AP2B1: variants seen among roughly 807,000 people sequenced by gnomAD.
AP2B1 encodes the protein adaptor related protein complex 2 subunit beta 1.
AP2B1 carries 23 observed loss-of-function variants against 102.0 expected under a neutral mutation model. The observed-to-expected ratio is 0.23, with a 90% CI of 0.16 to 0.32. The LOEUF (loss-of-function observed/expected upper bound fraction) is 0.32, where lower values mean the gene tolerates loss of function less well. Ranked by LOEUF, AP2B1 falls within the 10% of genes least tolerant of loss-of-function variation. AP2B1 has a pLI of 1.00. For synonymous variants in AP2B1, 381 were observed against 421.2 expected, an observed-to-expected ratio of 0.90 and a Z score of 1.17; for missense variants, 541 against 1,157.4, an observed-to-expected ratio of 0.47 and a Z score of 7.73.
At chr17:35,605,041 AC>A (rs1176845549) in intron 3 of AP2B1, among the ~76,000 whole-genome samples, 2 of 151,986 alleles carry the variant, frequency 1.3e-5, no homozygotes, top group African/African-American at 4.8e-5. Context: ...AGTAGCTAAG[AC>A]TACAGGTGTG....
chr17:35,694,288 C>T (rs188959), intron 18 of AP2B1, among the ~76,000 whole-genome samples: 1 of 151,894 alleles, frequency 6.6e-6, no homozygotes, highest in Non-Finnish European at 1.5e-5. Context: ...CAACTTCCCA[C>T]GTTGGAGTTC....
At position 35,613,000 on chromosome 17, in the gene AP2B1, A is replaced by G. The variant is rs534785646; in HGVS notation, c.525+4613A>G. ...TTCATTATAGAAATCTCAAAAAAGA[A>G]AAAAAAAATGAAAGATACAAAAAAA... On this transcript the variant is annotated intron_variant, in intron 5 of 21. Transcript: ENST00000610402. Among the ~76,000 whole-genome samples, 45 of 148,220 alleles carry G rather than the reference A, an allele frequency of 3.0e-4. No homozygotes were observed. In the South Asian group the frequency reaches 8.9e-3, roughly 29 times the overall value.
intron 21 of AP2B1, 68 bp downstream of exon 21, chr17:35,717,417 T>C (rs1002728539): frequency 3.8e-5 from 60 of 1,565,254 alleles, no homozygotes; most frequent in African/African-American, 5.4e-5. Context: ...CATGTTTACT[T>C]AGCACCCTAG....
chr17:35,631,833 T>C (rs2074470884), intron 9 of AP2B1, among the ~76,000 whole-genome samples: 1 of 152,224 alleles, frequency 6.6e-6, no homozygotes, highest in African/African-American at 2.4e-5. Flanking sequence ...ATTTGGGAAT[T>C]GCTCACTCAT....
At chr17:35,624,266 C>A in intron 5 of AP2B1, 131 bp from the exon 6 acceptor site, 2 of 812,538 alleles carry the variant, frequency 2.5e-6, no homozygotes, top group Non-Finnish European at 4.0e-6. Flanking sequence ...TTGTTTCTAT[C>A]TGACTAGGTA....
chr17:35,617,909 T>C (rs1345861688), intron 5 of AP2B1, among the ~76,000 whole-genome samples: 3 of 152,256 alleles, frequency 2.0e-5, no homozygotes, highest in Non-Finnish European at 2.9e-5. Context: ...TGTAGTGTTT[T>C]GGCTTTGAGA....
chr17:35,674,490 G>A (rs1182651225), intron 17 of AP2B1, among the ~76,000 whole-genome samples, 169 bp downstream of exon 17: 1 of 152,152 alleles, frequency 6.6e-6, no homozygotes, highest in Non-Finnish European at 1.5e-5. Flanking sequence ...ATTACCTGAG[G>A]TCAGGGGTTC....
intron 13 of AP2B1, among the ~76,000 whole-genome samples, chr17:35,656,642 T>C (rs1013377784): frequency 2.0e-5 from 3 of 152,102 alleles, no homozygotes; most frequent in African/African-American, 7.3e-5. Flanking sequence ...ACGCCTGTAA[T>C]CCCAGCACTT....
chr17:35,631,656 G>A (rs754765642), intron 9 of AP2B1, among the ~76,000 whole-genome samples: 4 of 151,792 alleles, frequency 2.6e-5, no homozygotes, highest in South Asian at 4.1e-4. Flanking sequence ...TAGACATAAC[G>A]TGATTACTTG....
chr17:35,654,142 A>G (rs893461698), intron 13 of AP2B1, among the ~76,000 whole-genome samples: 3 of 151,820 alleles, frequency 2.0e-5, no homozygotes, highest in East Asian at 1.9e-4. Context: ...GCTCACTGCA[A>G]GCTCCACCTC....
chr17:35,697,665 T>C (rs2076165682), intron 18 of AP2B1, among the ~76,000 whole-genome samples: 1 of 152,190 alleles, frequency 6.6e-6, no homozygotes, highest in Non-Finnish European at 1.5e-5. Context: ...GGAGGCAAAC[T>C]TTAAAAGCAA....
At chr17:35,685,950 C>G (rs1223686799) in intron 18 of AP2B1, among the ~76,000 whole-genome samples, 1 of 152,062 alleles carries the variant, frequency 6.6e-6, no homozygotes, top group African/African-American at 2.4e-5. Flanking sequence ...TTAGTAGAGA[C>G]GGGGTTTCAC....
intron 18 of AP2B1, among the ~76,000 whole-genome samples, chr17:35,706,299 A>G (rs2076339532): frequency 1.3e-5 from 2 of 152,218 alleles, no homozygotes; most frequent in South Asian, 2.1e-4. Flanking sequence ...TCCTGTTGGC[A>G]TAAGGATTCT....
intron 5 of AP2B1, among the ~76,000 whole-genome samples, chr17:35,609,675 A>C (rs943567472): frequency 6.6e-6 from 1 of 152,048 alleles, no homozygotes; most frequent in Non-Finnish European, 1.5e-5. Flanking sequence ...GGGTCTTGCT[A>C]TGTTGCCCAG....
rs114191863 is a variant in AP2B1, at chr17:35,630,405, C to T, written c.1155+2679C>T. On this transcript the variant is annotated intron_variant, in intron 9 of 21. Transcript: ENST00000610402. ...ACAACTTGTTTTTCTTTTCTTTTTA[C>T]GTTAACATATCTTACTAGCCGTCTA... Among the ~76,000 whole-genome samples the T allele has an allele frequency of 8.4e-3, 1,273 of 152,204 alleles. 17 individuals are homozygous for T. The highest frequency in any genetic ancestry group is 0.028 in the African/African-American group (1,177 of 41,536).
chr17:35,677,221 C>T (rs1312656057), intron 17 of AP2B1, among the ~76,000 whole-genome samples: 1 of 152,180 alleles, frequency 6.6e-6, no homozygotes, highest in Admixed American at 6.5e-5. Flanking sequence ...ATGTCCTGGG[C>T]TCAAGTAGTC....
intron 11 of AP2B1, 84 bp from the exon 12 acceptor site, chr17:35,641,793 T>A (rs530288528): frequency 3.0e-6 from 3 of 995,588 alleles, no homozygotes; most frequent in African/African-American, 1.6e-5. Flanking sequence ...TAATTCATAG[T>A]TGGGGAAACA....
chr17:35,589,596 T>A (rs2073018234), intron 1 of AP2B1, among the ~76,000 whole-genome samples: 1 of 152,206 alleles, frequency 6.6e-6, no homozygotes, highest in Non-Finnish European at 1.5e-5. Flanking sequence ...TATAGTCCTG[T>A]GCAGGGAGGC....
At chr17:35,604,915 C>T (rs999351133) in intron 3 of AP2B1, among the ~76,000 whole-genome samples, 7 of 152,094 alleles carry the variant, frequency 4.6e-5, no homozygotes, top group African/African-American at 1.7e-4. Flanking sequence ...AACAGCACTA[C>T]AATTTTTTTC....
Sources: allele counts gnomAD v4.1 joint callset (sites outside exome capture counted in the v4.1 genomes callset), GRCh38; gene constraint gnomAD v4.1.1; transcripts MANE v1.5; gene names NCBI Gene and HGNC (gene_info 2026-07-23, HGNC 2026-07-21).